PANK2: variants seen among roughly 807,000 people sequenced by gnomAD.
PANK2 encodes the protein pantothenate kinase 2, mitochondrial.
Under a neutral mutation model 43.1 loss-of-function variants are expected in PANK2, and 36 were observed. That is an observed-to-expected ratio of 0.84 (90% CI 0.64 to 1.10). The LOEUF (loss-of-function observed/expected upper bound fraction) is 1.10, where lower values mean the gene tolerates loss of function less well. PANK2 is among the 50% of genes least tolerant of loss of function. The pLI is 0.00. For synonymous variants in PANK2, 281 were observed against 238.2 expected, an observed-to-expected ratio of 1.18 and a Z score of -1.66; for missense variants, 576 against 593.3, an observed-to-expected ratio of 0.97 and a Z score of 0.30.
chr20:3,918,094 A>G (rs1409810136), intron 5 of PANK2, among the ~76,000 whole-genome samples: 3 of 152,218 alleles, frequency 2.0e-5, no homozygotes, highest in Admixed American at 6.5e-5. Flanking sequence ...AGAAATGATC[A>G]TGCTCATGAA....
chr20:3,888,942 C>CT, upstream of PANK2: 9 of 566,280 alleles, frequency 1.6e-5, no homozygotes, highest in South Asian at 5.7e-5. Flanking sequence ...TGCCGACGAC[C>CT]AGCGGCCAGA....
At chr20:3,902,972 G>GAC (rs11468265) in intron 1 of PANK2, among the ~76,000 whole-genome samples, 2,122 of 141,392 alleles carry the variant, frequency 0.015, 23 homozygotes, top group African/African-American at 0.018. Context: ...GATGTGTATA[G>GAC]ACACACACAC....
intron 1 of PANK2, among the ~76,000 whole-genome samples, chr20:3,901,351 T>C (rs1043505169): frequency 2.0e-5 from 3 of 150,832 alleles, no homozygotes; most frequent in Non-Finnish European, 4.4e-5. Context: ...CCTGGCTGTT[T>C]TGTATTTACT....
chr20:3,894,067 G>A (rs903298821), intron 1 of PANK2, among the ~76,000 whole-genome samples: 3 of 151,764 alleles, frequency 2.0e-5, no homozygotes, highest in African/African-American at 7.3e-5. Context: ...AAGTAGCTGG[G>A]ATTACAGGCA....
chr20:3,922,944 C>T (rs1291267059), intron 6 of PANK2, among the ~76,000 whole-genome samples: 1 of 152,180 alleles, frequency 6.6e-6, no homozygotes, highest in Non-Finnish European at 1.5e-5. Flanking sequence ...CTGTCTCTTA[C>T]CAGAGGTAAC....
chr20:3,897,181 C>CT (rs901080993), intron 1 of PANK2, among the ~76,000 whole-genome samples: 64 of 152,248 alleles, frequency 4.2e-4, no homozygotes, highest in African/African-American at 1.5e-3. Flanking sequence ...AGAGGAAAAA[C>CT]TTTGTTTTTC....
rs1346198039 is a variant in PANK2 at position 3,889,405 on chromosome 20, C to A, written c.-26C>A. On this transcript the variant is annotated 5_prime_UTR_variant, in exon 1 of 7. Coordinates refer to ENST00000610179, the MANE Select transcript of PANK2 (RefSeq NM_001386393.1). ...CGCCTCTGCTCTGGCTGGACTGCCG[C>A]GGAGGAGGCGAGAAGGAATCCGACG... 13 of 1,571,320 alleles carry A rather than the reference C, an allele frequency of 8.3e-6. No homozygotes were observed. Among genetic ancestry groups the A allele is most frequent in the African/African-American group, 1.3e-5 (1 of 74,132 alleles).
chr20:3,889,579 A>C lies in PANK2; in HGVS notation c.149A>C (p.Gln50Pro). The C allele has an allele frequency of 6.8e-7, 1 of 1,473,950 alleles. No individual in the cohort carries two copies. The allele number at this position is 1,473,950 out of a possible 1,614,324, so 91.3% of individuals were successfully genotyped here. A position where few individuals can be genotyped will look rare whatever the true frequency, so the allele number is the denominator to read the frequency against. Residue 50 changes from glutamine (Q) to proline (P), a missense_variant, in exon 1 of 7, where the codon CAG becomes CCG. Physicochemically the swap from Gln to Pro is moderately conservative, Grantham distance 76. Coordinates refer to ENST00000610179, the MANE Select transcript of PANK2 (RefSeq NM_001386393.1). The stretch of plus-strand genomic sequence containing the variant: ...GCCGGGGACCCCGAAGGGCGGCGGC[A>C]GGAGCCACTGCGGCGCCGGGCGAGC...
chr20:3,889,141 C>T (rs1401923962), upstream of PANK2: 2 of 1,568,590 alleles, frequency 1.3e-6, no homozygotes, highest in Non-Finnish European at 1.7e-6. Flanking sequence ...GTCCATTGGG[C>T]GGCGCCGCCA....
intron 1 of PANK2, among the ~76,000 whole-genome samples, chr20:3,899,437 C>G (rs114491047): frequency 6.9e-4 from 104 of 151,794 alleles, no homozygotes; most frequent in African/African-American, 2.3e-3. Context: ...TCCCAGAGTG[C>G]TGGGATTACA....
chr20:3,889,408 A>G lies in PANK2; in HGVS notation c.-23A>G, dbSNP rs1292966015. Reference sequence around the variant, plus strand: ...CTCTGCTCTGGCTGGACTGCCGCGGAGGAGGCGAGAAGGAATCCGACGCTG... The same window carrying G: ...CTCTGCTCTGGCTGGACTGCCGCGGGGGAGGCGAGAAGGAATCCGACGCTG... On this transcript the variant is annotated 5_prime_UTR_variant, in exon 1 of 7. Coordinates refer to ENST00000610179, the MANE Select transcript of PANK2 (RefSeq NM_001386393.1). 1 of 1,572,184 alleles carries G rather than the reference A, an allele frequency of 6.4e-7. No homozygotes were observed. The highest frequency in any genetic ancestry group is 8.6e-7 in the Non-Finnish European group (1 of 1,162,008).
At chr20:3,898,232 TTC>T (rs2090242121) in intron 1 of PANK2, among the ~76,000 whole-genome samples, 1 of 150,830 alleles carries the variant, frequency 6.6e-6, no homozygotes, top group Admixed American at 6.8e-5. Flanking sequence ...GATGGAGTCT[TTC>T]TGTCACCCAG....
chr20:3,907,916 C>G lies in PANK2; in HGVS notation c.299-10C>G. ...AAAGCTGTTCTGACTTATTTTTCTT[C>G]CCCATTTAGTTTTTCCATGGTTTGG... On this transcript the variant is annotated splice_polypyrimidine_tract_variant and intron_variant, in intron 1 of 6. Coordinates refer to ENST00000610179, the MANE Select transcript of PANK2 (RefSeq NM_001386393.1). The G allele has an allele frequency of 1.2e-6, 2 of 1,612,308 alleles. No individual in the cohort carries two copies. The highest frequency in any genetic ancestry group is 1.7e-6 in the Non-Finnish European group (2 of 1,178,462).
Position 3,925,493 on chromosome 20 carries a change from C to T in PANK2, c.*2199C>T, listed in dbSNP as rs1434518662. 6.6e-6 allele frequency: 1 copy of T among 152,358 alleles called. No homozygotes were observed. The highest frequency in any genetic ancestry group is 6.5e-5 in the Admixed American group (1 of 15,286). 9.4% of individuals were successfully genotyped at this position (152,358 alleles called of 1,614,324 possible). A position where few individuals can be genotyped will look rare whatever the true frequency, so the allele number is the denominator to read the frequency against. ...AGGTGATCCGCCTGCCTTGGCCTCCCAAAGTGCTGGGAATACAGGTGTGAG... is the reference window on the plus strand; with the variant it reads ...AGGTGATCCGCCTGCCTTGGCCTCCTAAAGTGCTGGGAATACAGGTGTGAG... On this transcript the variant is annotated 3_prime_UTR_variant, in exon 7 of 7. Transcript: ENST00000610179.
At chr20:3,903,152 T>TCC (rs200956691) in intron 1 of PANK2, among the ~76,000 whole-genome samples, 6 of 138,984 alleles carry the variant, frequency 4.3e-5, no homozygotes, top group Admixed American at 2.2e-4. Flanking sequence ...TTTTTTTTTT[T>TCC]CCCCCTTTTT....
chr20:3,889,185 C>G (rs755243523), upstream of PANK2: 6 of 1,611,004 alleles, frequency 3.7e-6, no homozygotes, highest in Non-Finnish European at 5.1e-6. Flanking sequence ...CCTTCTCTTC[C>G]TCCGCGGAAC....
At position 3,929,600 on chromosome 20, in the gene PANK2, A is replaced by ACAT. The variant is rs1439988526; in HGVS notation, c.*6309_*6311dup. The ACAT allele has an allele frequency of 2.6e-5, 4 of 152,378 alleles. No homozygotes were observed. The highest frequency in any genetic ancestry group is 9.6e-5 in the African/African-American group (4 of 41,466). The allele number at this position is 152,378 out of a possible 1,614,324, so 9.4% of individuals were successfully genotyped here. ...AAGTGACCACAACAGTTGCAGCCACACATCACCACTGGTCCTCACTTGGAA... is the reference window on the plus strand; with the variant it reads ...AAGTGACCACAACAGTTGCAGCCACACATCATCACCACTGGTCCTCACTTGGAA... On this transcript the variant is annotated 3_prime_UTR_variant, in exon 7 of 7. Coordinates refer to ENST00000610179, the MANE Select transcript of PANK2 (RefSeq NM_001386393.1).
intron 1 of PANK2, among the ~76,000 whole-genome samples, chr20:3,890,974 G>A (rs1204664405): frequency 1.3e-5 from 2 of 152,196 alleles, no homozygotes; most frequent in Non-Finnish European, 2.9e-5. Context: ...GTATTACATC[G>A]TTGGAAATGG....
intron 1 of PANK2, among the ~76,000 whole-genome samples, chr20:3,890,285 C>T (rs6084506): frequency 0.33 from 49,420 of 151,922 alleles, 8,516 homozygotes; most frequent in South Asian, 0.41. Context: ...CATCTCTCAC[C>T]CACATATCCC....
Sources: gnomAD v4.1 joint callset for allele counts (sites outside exome capture counted in the v4.1 genomes callset) on GRCh38, gnomAD v4.1.1 for gene constraint, MANE v1.5 for transcripts, NCBI Gene and HGNC (gene_info 2026-07-23, HGNC 2026-07-21) for gene names.